CAPN3: variants seen among roughly 807,000 people sequenced by gnomAD.
CAPN3 encodes the protein calpain 3.
A neutral mutation model predicts 114.0 loss-of-function variants in CAPN3; 88 were observed. The observed-to-expected ratio is 0.77, with a 90% CI of 0.65 to 0.92. The LOEUF (loss-of-function observed/expected upper bound fraction) is 0.92. CAPN3 is among the 40% of genes least tolerant of loss of function. CAPN3 has a pLI of 0.00. For missense variants in CAPN3, 1,028 were observed against 1,069.0 expected (o/e 0.96, Z 0.53); for synonymous variants, 386 against 382.9 (o/e 1.01, Z -0.09).
chr15:42,383,225 G>C (rs984204981), intron 1 of CAPN3, among the ~76,000 whole-genome samples: 1 of 152,168 alleles, frequency 6.6e-6, no homozygotes, highest in African/African-American at 2.4e-5. Flanking sequence ...GGAAGGTGGA[G>C]AGAGAGACCC....
chr15:42,385,668 G>T (rs1415295623), intron 2 of CAPN3: 1 of 519,516 alleles, frequency 1.9e-6, no homozygotes, highest in Non-Finnish European at 3.8e-6. Flanking sequence ...ATGTCTTACT[G>T]CCCCCTATAG....
chr15:42,386,304 A>C lies in CAPN3; in HGVS notation c.498+19A>C. On this transcript the variant is annotated intron_variant, in intron 3 of 23. Transcript: ENST00000397163. ...CTTCCAGGTGAGGTAATGAGAGTGT[A>C]GTTAAGAGGGCCAGCGGCAGGCCAC... 2 of 1,550,820 alleles carry C rather than the reference A, an allele frequency of 1.3e-6. No homozygotes were observed. The highest frequency in any genetic ancestry group is 1.8e-6 in the Non-Finnish European group (2 of 1,122,110).
At chr15:42,366,874 C>A (rs2052798627) in intron 1 of CAPN3, among the ~76,000 whole-genome samples, 1 of 137,966 alleles carries the variant, frequency 7.2e-6, no homozygotes, top group Non-Finnish European at 1.5e-5. Flanking sequence ...CGCTCTGTTG[C>A]CCAGGCTGGA....
chr15:42,389,567 T>C (rs1295927445), intron 5 of CAPN3, among the ~76,000 whole-genome samples: 1 of 152,214 alleles, frequency 6.6e-6, no homozygotes, highest in Non-Finnish European at 1.5e-5. Context: ...TGCTGTGAAC[T>C]GAGACAGGAG....
intron 1 of CAPN3, among the ~76,000 whole-genome samples, chr15:42,364,512 GTT>G (rs2052729190): frequency 6.6e-6 from 1 of 152,228 alleles, no homozygotes; most frequent in Non-Finnish European, 1.5e-5. Flanking sequence ...ACAGCAATGT[GTT>G]TGAGTACTTC....
intron 1 of CAPN3, among the ~76,000 whole-genome samples, chr15:42,378,697 G>A (rs1047611009): frequency 1.3e-5 from 2 of 151,802 alleles, no homozygotes; most frequent in African/African-American, 4.8e-5. Flanking sequence ...TTAGGCTTAA[G>A]TATCTCTTCT....
chr15:42,396,594 C>A (rs149625198), intron 8 of CAPN3, among the ~76,000 whole-genome samples: 7 of 152,260 alleles, frequency 4.6e-5, no homozygotes, highest in Non-Finnish European at 1.0e-4. Context: ...CAAGCCCTCA[C>A]CAGCCCATTT....
At chr15:42,371,316 A>G (rs1488899298) in intron 1 of CAPN3, among the ~76,000 whole-genome samples, 3 of 152,170 alleles carry the variant, frequency 2.0e-5, no homozygotes, top group Admixed American at 1.3e-4. Flanking sequence ...GGGGGTCATG[A>G]TGGGGACAGA....
chr15:42,382,362 T>A (rs1304735357), intron 1 of CAPN3, among the ~76,000 whole-genome samples: 2 of 151,838 alleles, frequency 1.3e-5, no homozygotes, highest in South Asian at 2.1e-4. Flanking sequence ...ATAGTGGGGT[T>A]TTTTGTTTTT....
chr15:42,396,180 A>G (rs929356248), intron 8 of CAPN3, among the ~76,000 whole-genome samples: 4 of 151,974 alleles, frequency 2.6e-5, no homozygotes, highest in Non-Finnish European at 5.9e-5. Context: ...TGACCTGCCC[A>G]AGGTTGCATA....
Position 42,411,284 on chromosome 15 carries a change from C to T in CAPN3, c.2381-3C>T. On this transcript the variant is annotated splice_region_variant and splice_polypyrimidine_tract_variant and intron_variant, in intron 22 of 23. Transcript: ENST00000397163. Reference sequence around the variant, plus strand: ...GGCCTCTGGCCTGTGCATTCTTTCACAGGAGCTTTTCATGCATTTGACAAG... The same window carrying T: ...GGCCTCTGGCCTGTGCATTCTTTCATAGGAGCTTTTCATGCATTTGACAAG... 6.2e-7 allele frequency: 1 copy of T among 1,613,956 alleles called. No individual in the cohort carries two copies. The highest frequency in any genetic ancestry group is 1.1e-5 in the South Asian group (1 of 91,086).
rs201294691 is a variant in CAPN3, at chr15:42,409,928, C to A, written c.2051-3C>A. 8 of 1,612,558 alleles carry A rather than the reference C, an allele frequency of 5.0e-6. No homozygotes were observed. In the East Asian group the frequency reaches 8.9e-5, roughly 18 times the overall value. ...AGCTCCTCACTCTTCTCCATCCCCC[C>A]AGACAAGGACCTGAAGACACACGGG... On this transcript the variant is annotated splice_region_variant and splice_polypyrimidine_tract_variant and intron_variant, in intron 18 of 23. Transcript: ENST00000397163.
chr15:42,405,367 A>G (rs1343987791), intron 14 of CAPN3, among the ~76,000 whole-genome samples: 19 of 151,962 alleles, frequency 1.3e-4, no homozygotes. Flanking sequence ...CTGGAGTGCA[A>G]TGGCATGATC....
At chr15:42,406,511 T>C (rs28364513) in intron 15 of CAPN3, among the ~76,000 whole-genome samples, 1 of 152,112 alleles carries the variant, frequency 6.6e-6, no homozygotes, top group African/African-American at 2.4e-5. Context: ...CTCTCTTTTT[T>C]TTCCCCCCCA....
intron 1 of CAPN3, among the ~76,000 whole-genome samples, chr15:42,362,702 G>A (rs542697807): frequency 7.9e-5 from 12 of 152,318 alleles, no homozygotes; most frequent in African/African-American, 2.6e-4. Context: ...TTGCTTTATA[G>A]GTGATTAAGG....
intron 2 of CAPN3, chr15:42,385,573 T>C: frequency 2.1e-6 from 1 of 473,188 alleles, no homozygotes. Flanking sequence ...GAGAGCAAAG[T>C]GTTACCTCCA....
At chr15:42,400,828 A>C (rs181473883) in intron 10 of CAPN3, among the ~76,000 whole-genome samples, 42 of 152,274 alleles carry the variant, frequency 2.8e-4, no homozygotes, top group African/African-American at 9.9e-4. Flanking sequence ...AAGATTTGTA[A>C]TAGAGCATCG....
chr15:42,399,589 G>A lies in CAPN3; in HGVS notation c.1291G>A (p.Val431Met). Residue 431 changes from valine (V) to methionine (M), a missense_variant, in exon 10 of 24, where the codon GTG becomes ATG. Transcript: ENST00000397163. ...LQSDKLQTWT[V>M]SVNEGRWVRG... Reference sequence around the variant, plus strand: ...GTCTGACAAGCTTCAGACCTGGACAGTGTCTGTGAACGAGGGCCGCTGGGT... The same window carrying A: ...GTCTGACAAGCTTCAGACCTGGACAATGTCTGTGAACGAGGGCCGCTGGGT... 6.2e-7 allele frequency: 1 copy of A among 1,614,014 alleles called. No homozygotes were observed. The highest frequency in any genetic ancestry group is 8.5e-7 in the Non-Finnish European group (1 of 1,179,922).
At chr15:42,382,232 C>T (rs1595815562) in intron 1 of CAPN3, among the ~76,000 whole-genome samples, 1 of 151,836 alleles carries the variant, frequency 6.6e-6, no homozygotes, top group East Asian at 1.9e-4. Context: ...CTTTGAATCC[C>T]AGTAATTTTC....
Sources: allele counts gnomAD v4.1 joint callset (sites outside exome capture counted in the v4.1 genomes callset), GRCh38; gene constraint gnomAD v4.1.1; transcripts MANE v1.5; gene names NCBI Gene and HGNC (gene_info 2026-07-23, HGNC 2026-07-21).